Variants in PPFIA4 observed in about 807,000 individuals in gnomAD.
The protein encoded by PPFIA4 is liprin-alpha-4.
A neutral mutation model predicts 145.7 loss-of-function variants in PPFIA4; 98 were observed. That is an observed-to-expected ratio of 0.67 (90% CI 0.57 to 0.80). The LOEUF (loss-of-function observed/expected upper bound fraction) is 0.80, where lower values mean the gene tolerates loss of function less well. Ranked by LOEUF, PPFIA4 falls within the 30% of genes least tolerant of loss-of-function variation. PPFIA4 has a pLI of 0.00. For missense variants in PPFIA4, 1,457 were observed against 1,632.7 expected (o/e 0.89, Z 1.85); for synonymous variants, 628 against 649.6 (o/e 0.97, Z 0.51).
chr1:203,035,623 G>A (rs776631648), intron 1 of PPFIA4: 48 of 456,774 alleles, frequency 1.1e-4, no homozygotes, highest in Non-Finnish European at 1.7e-4. Flanking sequence ...GGCAGCTTTC[G>A]CCTCTGAATC....
intron 21 of PPFIA4, 111 bp downstream of exon 21, chr1:203,059,962 G>T: frequency 1.1e-6 from 1 of 950,910 alleles, no homozygotes; most frequent in Non-Finnish European, 1.7e-6. Context: ...CCTGCCAAGT[G>T]GAAGTGTGCC....
rs1174292761 is a variant in PPFIA4 at position 203,048,490 on chromosome 1, A to G, written c.1225-93A>G. ...GACTGGAGAGAGTGGCTCCCAGAGG[A>G]TGAGAAGAGGACAGGGGAGGGAGTC... On this transcript the variant is annotated intron_variant, in intron 10 of 29. Coordinates refer to ENST00000295706, the MANE Select transcript of PPFIA4 (RefSeq NM_001304331.2). This position sits in a 1 kb window ranked among gnomAD's most constrained non-coding sequence, Gnocchi z 5.8. 4 of 1,527,098 alleles carry G rather than the reference A, an allele frequency of 2.6e-6. No individual in the cohort carries two copies. Among genetic ancestry groups the G allele is most frequent in the Non-Finnish European group, 3.5e-6 (4 of 1,128,974 alleles). 94.6% of individuals were successfully genotyped at this position (1,527,098 alleles called of 1,614,324 possible). A position where few individuals can be genotyped will look rare whatever the true frequency, so the allele number is the denominator to read the frequency against.
Position 203,055,423 on chromosome 1 carries a change from C to A in PPFIA4, c.1830-9C>A. ...CTAGTGGTGAGGTCTGGTTTTGCCT[C>A]CCTTCCAGGATGATTCAGGAAGAGA... On this transcript the variant is annotated splice_polypyrimidine_tract_variant and intron_variant, in intron 15 of 29. Coordinates refer to ENST00000295706, the MANE Select transcript of PPFIA4 (RefSeq NM_001304331.2). This position sits in a 1 kb window ranked among gnomAD's most constrained non-coding sequence, Gnocchi z 4.8. The A allele has an allele frequency of 6.2e-7, 1 of 1,613,430 alleles. No individual in the cohort carries two copies. The highest frequency in any genetic ancestry group is 8.5e-7 in the Non-Finnish European group (1 of 1,179,406).
In PPFIA4 at chr1:203,076,451, C is replaced by A; in HGVS notation, c.*61C>A. On this transcript the variant is annotated 3_prime_UTR_variant, in exon 30 of 30. Coordinates refer to ENST00000295706, the MANE Select transcript of PPFIA4 (RefSeq NM_001304331.2). ...TTCACAGGCTCCTCTGGCCCTGACC[C>A]CTCTTGCTCGTTCCCCTTCCTTCCG... 1 of 1,504,060 alleles carries A rather than the reference C, an allele frequency of 6.6e-7. No homozygotes were observed. The highest frequency in any genetic ancestry group is 1.1e-5 in the South Asian group (1 of 88,746). 93.2% of individuals were successfully genotyped at this position (1,504,060 alleles called of 1,614,324 possible).
chr1:203,051,231 C>G, intron 13 of PPFIA4: 15 of 985,374 alleles, frequency 1.5e-5, no homozygotes, highest in Non-Finnish European at 1.7e-5. Flanking sequence ...CCTAAAGCTT[C>G]CTAGGCATAG....
In PPFIA4 at chr1:203,071,746, C is replaced by T. The variant is rs200022113; in HGVS notation, c.3379C>T (p.Arg1127Trp). ...FNNLLALGTD[R>W]KLDDGDDKVF... ...TAACCTGTTGGCCTTGGGCACAGACCGGAAGCTGGATGACGTGAGTACCTG... is the reference window on the plus strand; with the variant it reads ...TAACCTGTTGGCCTTGGGCACAGACTGGAAGCTGGATGACGTGAGTACCTG... The change falls in exon 28 of 30, where the codon CGG becomes TGG. Residue 1127 changes from arginine (R) to tryptophan (W), a missense_variant. By Grantham distance (101) the Arg-to-Trp change is moderately radical. Transcript: ENST00000295706. The T allele has an allele frequency of 2.5e-4, 404 of 1,612,480 alleles. No individual in the cohort carries two copies. Among genetic ancestry groups the T allele is most frequent in the Non-Finnish European group, 1.8e-4 (213 of 1,179,050 alleles).
Position 203,055,816 on chromosome 1 carries a change from C to CA in PPFIA4, c.2070+145dup. ...TGCAGACCCCGACATGTCAGGCCAC[C>CA]AGCCTGTCCTTCTGGGTTTGGGAAG... On this transcript the variant is annotated intron_variant, in intron 16 of 29. Coordinates refer to ENST00000295706, the MANE Select transcript of PPFIA4 (RefSeq NM_001304331.2). This position sits in a 1 kb window ranked among gnomAD's most constrained non-coding sequence, Gnocchi z 4.8. 1.5e-6 allele frequency: 2 copies of CA among 1,319,376 alleles called. No homozygotes were observed. The highest frequency in any genetic ancestry group is 2.1e-6 in the Non-Finnish European group (2 of 961,950). The allele number at this position is 1,319,376 out of a possible 1,614,324, so 81.7% of individuals were successfully genotyped here. A position where few individuals can be genotyped will look rare whatever the true frequency, so the allele number is the denominator to read the frequency against.
chr1:203,073,335 A>G (rs1479472144), intron 28 of PPFIA4, among the ~76,000 whole-genome samples: 1 of 152,198 alleles, frequency 6.6e-6, no homozygotes, highest in African/African-American at 2.4e-5. Context: ...TTGTGGAGCT[A>G]TCTGGCCTAT....
chr1:203,027,737 T>C (rs1373885454), intron 1 of PPFIA4, among the ~76,000 whole-genome samples: 1 of 152,228 alleles, frequency 6.6e-6, no homozygotes, highest in Non-Finnish European at 1.5e-5. Flanking sequence ...CTAGGTCTTC[T>C]GAAGGCAATT....
chr1:203,053,287 C>G (rs1660664906), intron 14 of PPFIA4, among the ~76,000 whole-genome samples: 1 of 151,292 alleles, frequency 6.6e-6, no homozygotes, highest in Non-Finnish European at 1.5e-5. Context: ...AATCCCAGCA[C>G]TTTGGGAGGC....
chr1:203,062,597 C>A (rs1307062441), intron 24 of PPFIA4, among the ~76,000 whole-genome samples: 1 of 149,776 alleles, frequency 6.7e-6, no homozygotes, highest in Middle Eastern at 3.2e-3. Context: ...CTGTGTATAT[C>A]TGCTCAGGGA....
In PPFIA4 at chr1:203,067,751, A is replaced by T. The variant is rs1277716145; in HGVS notation, c.3107A>T (p.Glu1036Val). The change falls in exon 26 of 30, where the codon GAG becomes GTG. Residue 1036 changes from glutamate (E) to valine (V), a missense_variant. Transcript: ENST00000295706. ...AAGAGGCTGAATTATGACCGGAAGG[A>T]GCTGGAGAAGAGGCGAGAGGAGAGC... Reference protein sequence around the residue: ...CLKRLNYDRKELEKRREESQH... With the variant: ...CLKRLNYDRKVLEKRREESQH... The T allele has an allele frequency of 6.2e-7, 1 of 1,613,660 alleles. No homozygotes were observed. Among genetic ancestry groups the T allele is most frequent in the African/African-American group, 1.3e-5 (1 of 74,866 alleles).
At chr1:203,073,273 T>C in intron 28 of PPFIA4, among the ~76,000 whole-genome samples, 1 of 152,192 alleles carries the variant, frequency 6.6e-6, no homozygotes, top group Non-Finnish European at 1.5e-5. Context: ...CCGAAGCAGA[T>C]GCGAGTCTGA....
rs745750020 is a variant in PPFIA4 at position 203,044,775 on chromosome 1, G to A, written c.656G>A (p.Arg219His). ...GGGACTGTGGAGCTGGGGCCGAAAC[G>A]CCTGTGGAAGGTAGGTCATGGAGAG... ...EEGTVELGPK[R>H]LWKEDTGRVE... Residue 219 changes from arginine (R) to histidine (H), a missense_variant, in exon 6 of 30, where the codon CGC (arginine) becomes CAC (histidine). This residue lies in a region of PPFIA4 where 463 missense variants were observed against 459.8 expected (regional missense o/e 1.01). Transcript: ENST00000295706. 15 of 1,562,508 alleles carry A rather than the reference G, an allele frequency of 9.6e-6. No homozygotes were observed. Among genetic ancestry groups the A allele is most frequent in the Middle Eastern group, 1.7e-4 (1 of 5,988 alleles).
intron 1 of PPFIA4, among the ~76,000 whole-genome samples, chr1:203,028,595 A>G (rs113808839): frequency 1.4e-3 from 210 of 152,214 alleles, no homozygotes; most frequent in African/African-American, 4.7e-3. Context: ...TTGGCTCCAT[A>G]GGTGAGTTGC....
chr1:203,063,092 A>C (rs1179072141), intron 24 of PPFIA4: 4 of 152,240 alleles, frequency 2.6e-5, no homozygotes, highest in Non-Finnish European at 4.4e-5. Context: ...ACATCAAGTA[A>C]GGGTAAGGAA....
chr1:203,055,972 T>A lies in PPFIA4; in HGVS notation c.2071-148T>A. 1 of 785,828 alleles carries A rather than the reference T, an allele frequency of 1.3e-6. No individual in the cohort carries two copies. Among genetic ancestry groups the A allele is most frequent in the Non-Finnish European group, 1.9e-6 (1 of 524,260 alleles). The allele number at this position is 785,828 out of a possible 1,614,324, so 48.7% of individuals were successfully genotyped here. ...TGGCTTGTTTTTCTAGGCCAGCTTT[T>A]TTTTTTTTTTCTGGCGTGATATTCT... On this transcript the variant is annotated intron_variant, in intron 16 of 29. Transcript: ENST00000295706. The surrounding 1 kb of genome is among the most constrained non-coding windows in gnomAD (Gnocchi z 4.8).
rs768696978 is a variant in PPFIA4, at chr1:203,068,472, C to T, written c.3168C>T (p.Asn1056=). The change falls in exon 27 of 30, where the codon AAC becomes AAT. Residue 1056 remains asparagine, a synonymous_variant. Coordinates refer to ENST00000295706, the MANE Select transcript of PPFIA4 (RefSeq NM_001304331.2). The surrounding 1 kb of genome is among the most constrained non-coding windows in gnomAD (Gnocchi z 4.7). ...HEIKDVLVWT[N]DQVVHWVQSI... ...CTCCAGATGTGTTAGTCTGGACCAA[C>T]GACCAGGTGGTTCATTGGGTCCAGT... 43 of 1,606,958 alleles carry T rather than the reference C, an allele frequency of 2.7e-5. No homozygotes were observed. The highest frequency in any genetic ancestry group is 2.9e-5 in the Non-Finnish European group (34 of 1,176,812).
Position 203,059,213 on chromosome 1 carries a change from C to G in PPFIA4, c.2443C>G (p.Pro815Ala), listed in dbSNP as rs776200216. ...LTDSEFSMQE[P>A]MVPAKLGTQA... ...AGACTCCGAATTCAGTATGCAGGAG[C>G]CTATGGTGCCTGCCAAGCTGGGGAC... is the stretch of plus-strand genomic sequence containing the variant. The change falls in exon 20 of 30, where the codon CCT (proline) becomes GCT (alanine). Residue 815 changes from proline (P) to alanine (A), a missense_variant. Transcript: ENST00000295706. 18 of 1,553,396 alleles carry G rather than the reference C, an allele frequency of 1.2e-5. No individual in the cohort carries two copies. The African/African-American group carries it at 2.2e-4, about 19-fold the overall frequency.
Sources: allele counts gnomAD v4.1 joint callset (sites outside exome capture counted in the v4.1 genomes callset), GRCh38; gene constraint gnomAD v4.1.1; regional missense constraint gnomAD v4.1.1; non-coding constraint Gnocchi (gnomAD v3.1); transcripts MANE v1.5; gene names NCBI Gene and HGNC (gene_info 2026-07-23, HGNC 2026-07-21).